Variants in DNAH9 observed in about 807,000 individuals in gnomAD.
The protein encoded by DNAH9 is dynein axonemal heavy chain 9, also known as DNAH9 variant protein.
In DNAH9, 345 loss-of-function variants were observed where a neutral mutation model predicts 471.6. That is an observed-to-expected ratio of 0.73 (90% CI 0.67 to 0.80). The LOEUF (loss-of-function observed/expected upper bound fraction) is 0.80, where lower values mean the gene tolerates loss of function less well. DNAH9 is among the 30% of genes least tolerant of loss of function. DNAH9 has a pLI of 0.00. For synonymous variants in DNAH9, 2,093 were observed against 2,123.6 expected (o/e 0.99, Z 0.40); for missense variants, 5,407 against 5,609.2 (o/e 0.96, Z 1.15).
chr17:11,777,342 C>T (rs1597631250), intron 38 of DNAH9, among the ~76,000 whole-genome samples: 1 of 152,088 alleles, frequency 6.6e-6, no homozygotes, highest in East Asian at 1.9e-4. Context: ...TTTAGCAATC[C>T]CTATTTAGTC....
intron 22 of DNAH9, among the ~76,000 whole-genome samples, chr17:11,698,662 A>G (rs1161090026): frequency 6.6e-6 from 1 of 151,944 alleles, no homozygotes; most frequent in Non-Finnish European, 1.5e-5. Flanking sequence ...AAGTCAGGAT[A>G]CCAGCAGCTG....
chr17:11,841,692 T>A (rs1971039609), intron 49 of DNAH9, among the ~76,000 whole-genome samples: 1 of 152,118 alleles, frequency 6.6e-6, no homozygotes. Flanking sequence ...GATAAAGATC[T>A]TGGGGCCCAC....
At chr17:11,731,448 G>A (rs1344741070) in intron 28 of DNAH9, among the ~76,000 whole-genome samples, 1 of 150,924 alleles carries the variant, frequency 6.6e-6, no homozygotes, top group Non-Finnish European at 1.5e-5. Context: ...TGCACAACGT[G>A]TGCAGGTTTG....
intron 17 of DNAH9, among the ~76,000 whole-genome samples, chr17:11,671,951 C>T (rs1355294812): frequency 6.6e-6 from 1 of 152,312 alleles, no homozygotes; most frequent in African/African-American, 2.4e-5. Flanking sequence ...AAGGTGTCTT[C>T]CGTCTTCTAG....
chr17:11,907,792 A>G (rs117268814), intron 61 of DNAH9, among the ~76,000 whole-genome samples: 2,598 of 152,288 alleles, frequency 0.017, 45 homozygotes, highest in Admixed American at 0.033. Context: ...ATGAAAAGCA[A>G]CAGCCCCCAG....
At chr17:11,758,969 G>A (rs1755462960) in intron 35 of DNAH9, among the ~76,000 whole-genome samples, 1 of 152,112 alleles carries the variant, frequency 6.6e-6, no homozygotes, top group African/African-American at 2.4e-5. Flanking sequence ...AGCAGCCCGT[G>A]TAGCTAAAAA....
Position 11,647,014 on chromosome 17 carries a change from A to G in DNAH9, c.1971-58A>G, listed in dbSNP as rs779433862. 1,681 of 1,588,672 alleles carry G rather than the reference A, an allele frequency of 1.1e-3. 2 individuals are homozygous for G. The highest frequency in any genetic ancestry group is 1.3e-3 in the Non-Finnish European group (1,563 of 1,162,200). On this transcript the variant is annotated intron_variant, in intron 11 of 68. Coordinates refer to ENST00000262442, the MANE Select transcript of DNAH9 (RefSeq NM_001372.4). ...TCAATTTATGTTACAGATCATGACCAGGCACCGGTGAGCTGGGAGGGGGCT... is the reference window on the plus strand; with the variant it reads ...TCAATTTATGTTACAGATCATGACCGGGCACCGGTGAGCTGGGAGGGGGCT...
intron 50 of DNAH9, among the ~76,000 whole-genome samples, chr17:11,866,314 G>A (rs1311971873): frequency 2.6e-5 from 4 of 152,114 alleles, no homozygotes; most frequent in Non-Finnish European, 4.4e-5. Context: ...TATCAGCAGC[G>A]GTGTCTGCAG....
In DNAH9 at chr17:11,719,343, C is replaced by A. The variant is rs2075015688; in HGVS notation, c.5562C>A (p.Ile1854=). Reference sequence around the variant, plus strand: ...CTCCCGTGTTTGGCAGGTGCTACATCACCCTCACCCAGTCCCTGCACCTGA... The same window carrying A: ...CTCCCGTGTTTGGCAGGTGCTACATAACCCTCACCCAGTCCCTGCACCTGA... ...VITPLTDRCY[I]TLTQSLHLTM... is the part of the protein sequence containing the mutation. Residue 1854 remains isoleucine (I), a synonymous_variant, in exon 27 of 69, where the codon ATC becomes ATA. Transcript: ENST00000262442. The A allele has an allele frequency of 3.7e-6, 6 of 1,613,838 alleles. No individual in the cohort carries two copies. In the Admixed American group the frequency reaches 1.0e-4, roughly 27 times the overall value.
At chr17:11,814,967 AAAAC>A (rs1207644316) in intron 45 of DNAH9, among the ~76,000 whole-genome samples, 1 of 103,976 alleles carries the variant, frequency 9.6e-6, no homozygotes, top group Non-Finnish European at 2.2e-5. Context: ...AAAGAAAAAA[AAAAC>A]AATAAAGTTG....
At chr17:11,881,704 C>CGA (rs1034663636) in intron 55 of DNAH9, among the ~76,000 whole-genome samples, 1 of 151,982 alleles carries the variant, frequency 6.6e-6, no homozygotes, top group Non-Finnish European at 1.5e-5. Flanking sequence ...GTCGGTAGTT[C>CGA]GAGACCAGCC....
At chr17:11,778,474 G>T (rs1968548089) in intron 38 of DNAH9, among the ~76,000 whole-genome samples, 1 of 151,792 alleles carries the variant, frequency 6.6e-6, no homozygotes, top group South Asian at 2.1e-4. Flanking sequence ...ACTGGCTTTT[G>T]CTCCAAGTGA....
intron 67 of DNAH9, among the ~76,000 whole-genome samples, chr17:11,952,326 T>C (rs1415959763): frequency 1.4e-5 from 2 of 141,980 alleles, no homozygotes; most frequent in Admixed American, 7.0e-5. Context: ...TTTTTTTTTT[T>C]TTTTTTTTTT....
At chr17:11,943,758 C>T (rs1450825717) in intron 67 of DNAH9, among the ~76,000 whole-genome samples, 1 of 152,124 alleles carries the variant, frequency 6.6e-6, no homozygotes, top group Non-Finnish European at 1.5e-5. Context: ...CTCCACCGCA[C>T]CTCAACATGG....
intron 68 of DNAH9, among the ~76,000 whole-genome samples, chr17:11,966,375 A>C (rs1429556192): frequency 6.6e-6 from 1 of 152,236 alleles, no homozygotes; most frequent in Non-Finnish European, 1.5e-5. Flanking sequence ...CTCTTTCAAA[A>C]GTGAAGAAAG....
chr17:11,712,249 G>A (rs1235875252), intron 26 of DNAH9, among the ~76,000 whole-genome samples: 3 of 148,272 alleles, frequency 2.0e-5, no homozygotes, highest in Non-Finnish European at 4.4e-5. Flanking sequence ...TCATGGCAGA[G>A]CATGTGTCTG....
Position 11,684,551 on chromosome 17 carries a change from G to C in DNAH9, c.3743+3662G>C, listed in dbSNP as rs1424137708. On this transcript the variant is annotated intron_variant, in intron 19 of 68. Coordinates refer to ENST00000262442, the MANE Select transcript of DNAH9 (RefSeq NM_001372.4). ...TTCACTGTTTGGTCTTCCTGACCTT[G>C]AGCACAGTCCTCTTGACCTTAAGAA... Among the ~76,000 whole-genome samples, 4 of 152,256 alleles carry C rather than the reference G, an allele frequency of 2.6e-5. No homozygotes were observed. The East Asian group carries it at 7.7e-4, about 29-fold the overall frequency.
At chr17:11,723,751 T>A (rs1297060658) in intron 27 of DNAH9, among the ~76,000 whole-genome samples, 1 of 152,006 alleles carries the variant, frequency 6.6e-6, no homozygotes, top group African/African-American at 2.4e-5. Flanking sequence ...CACTGCAAGC[T>A]CCACCTCCTG....
intron 48 of DNAH9, among the ~76,000 whole-genome samples, chr17:11,832,824 C>T (rs1193627743): frequency 6.6e-6 from 1 of 152,142 alleles, no homozygotes; most frequent in Non-Finnish European, 1.5e-5. Flanking sequence ...AGGCAAGAGG[C>T]CATTCTGGAA....
Sources: gnomAD v4.1 joint callset for allele counts (sites outside exome capture counted in the v4.1 genomes callset) on GRCh38, gnomAD v4.1.1 for gene constraint, MANE v1.5 for transcripts, NCBI Gene and HGNC (gene_info 2026-07-23, HGNC 2026-07-21) for gene names.